Variants in HMCN2 observed in about 807,000 individuals in gnomAD.
HMCN2 encodes the protein hemicentin 2.
A neutral mutation model predicts 377.5 loss-of-function variants in HMCN2; 325 were observed. The observed-to-expected ratio is 0.86, with a 90% confidence interval of 0.79 to 0.94. HMCN2 has a LOEUF of 0.94. Among genes scored for constraint, HMCN2 ranks in the 40% least tolerant of loss-of-function variants. The pLI is 0.00. For synonymous variants in HMCN2, 2,007 were observed against 2,046.8 expected (o/e 0.98, Z 0.53); for missense variants, 4,543 against 4,725.3 (o/e 0.96, Z 1.13).
intron 23 of HMCN2, among the ~76,000 whole-genome samples, chr9:130,338,915 G>A (rs1338171659): frequency 6.6e-6 from 1 of 152,214 alleles, no homozygotes; most frequent in African/African-American, 2.4e-5. Flanking sequence ...TTGGCCAGAC[G>A]TAGTGGCTCA....
rs1481050424 is a variant in HMCN2 at position 130,353,207 on chromosome 9, T to G, written c.4864+2T>G. On this transcript the variant is annotated splice_donor_variant, in intron 31 of 97. Transcript: ENST00000683500. LOFTEE classifies it high-confidence loss of function. ...AGGCCACCAGGCTGGATGTTTATGG[T>G]GAGCAGCCAGGGGCCACGGCAGCCG... is the stretch of plus-strand genomic sequence containing the variant. 1 of 1,302,646 alleles carries G rather than the reference T, an allele frequency of 7.7e-7. No homozygotes were observed. The highest frequency in any genetic ancestry group is 1.0e-6 in the Non-Finnish European group (1 of 988,474). The allele number at this position is 1,302,646 out of a possible 1,614,324, so 80.7% of individuals were successfully genotyped here.
chr9:130,271,714 C>T (rs1383282927), intron 1 of HMCN2, among the ~76,000 whole-genome samples: 1 of 148,952 alleles, frequency 6.7e-6, no homozygotes, highest in African/African-American at 2.4e-5. Flanking sequence ...AGCCCTGCTT[C>T]CTGTGATTGG....
chr9:130,280,652 A>G (rs1265259909), intron 1 of HMCN2, among the ~76,000 whole-genome samples: 2 of 152,216 alleles, frequency 1.3e-5, no homozygotes, highest in African/African-American at 4.8e-5. Context: ...TGTTCAGTGA[A>G]AAGAATCAGG....
intron 23 of HMCN2, among the ~76,000 whole-genome samples, chr9:130,339,784 G>C (rs964040343): frequency 3.9e-5 from 6 of 152,222 alleles, no homozygotes; most frequent in African/African-American, 1.4e-4. Context: ...CTAAGGGGTT[G>C]GTCTCCACCC....
chr9:130,402,243 G>T (rs1025041791), intron 77 of HMCN2, among the ~76,000 whole-genome samples: 6 of 152,222 alleles, frequency 3.9e-5, no homozygotes, highest in African/African-American at 1.4e-4. Context: ...CACCCAGCAG[G>T]CCCCCAGGGG....
chr9:130,348,422 C>A (rs768718059), intron 26 of HMCN2, 123 bp from the exon 27 acceptor site: 64 of 1,216,052 alleles, frequency 5.3e-5, no homozygotes, highest in Non-Finnish European at 6.6e-5. Context: ...GCTGGGCGGA[C>A]GGGGACAGGC....
intron 1 of HMCN2, among the ~76,000 whole-genome samples, chr9:130,283,454 G>A (rs1293819733): frequency 8.4e-6 from 1 of 118,470 alleles, no homozygotes; most frequent in Non-Finnish European, 1.6e-5. Flanking sequence ...ATTTGTTCTA[G>A]TGCTTTGCTT....
At chr9:130,405,854 C>G in intron 81 of HMCN2, 101 bp from the exon 82 acceptor site, 1 of 909,478 alleles carries the variant, frequency 1.1e-6, no homozygotes, top group Non-Finnish European at 1.5e-6. Context: ...CACTTCCCCT[C>G]TCTGGGCTGG....
rs145263983 is a variant in HMCN2, at chr9:130,301,731, C to T, written c.1277-1126C>T. ...GCCTGGGCTCCGAGGAGGTCTAGTG[C>T]ATTGTCTCATTCCCGGAGCATCTCT... On this transcript the variant is annotated intron_variant, in intron 8 of 97. Transcript: ENST00000683500. Among the ~76,000 whole-genome samples, 18 of 152,382 alleles carry T rather than the reference C, an allele frequency of 1.2e-4. 1 individual carries two copies. Among genetic ancestry groups the T allele is most frequent in the African/African-American group, 4.3e-4 (18 of 41,596 alleles).
intron 4 of HMCN2, among the ~76,000 whole-genome samples, 171 bp from the exon 5 acceptor site, chr9:130,294,684 G>A (rs1021569015): frequency 2.6e-5 from 4 of 152,198 alleles, no homozygotes; most frequent in Non-Finnish European, 5.9e-5. Context: ...TCACAGCTTG[G>A]AGCCTATGGA....
intron 1 of HMCN2, among the ~76,000 whole-genome samples, chr9:130,282,141 A>G (rs1333213257): frequency 1.3e-5 from 2 of 152,220 alleles, no homozygotes; most frequent in Non-Finnish European, 2.9e-5. Context: ...ATATTGAAGC[A>G]ACACTGTCTT....
intron 1 of HMCN2, among the ~76,000 whole-genome samples, chr9:130,269,860 G>A (rs1397750667): frequency 6.8e-6 from 1 of 147,888 alleles, no homozygotes; most frequent in African/African-American, 2.4e-5. Context: ...GCCCAGGCTG[G>A]AGTGCAGTGG....
At chr9:130,307,049 C>T (rs1836908380) in intron 13 of HMCN2, 111 bp downstream of exon 13, 1 of 371,580 alleles carries the variant, frequency 2.7e-6, no homozygotes, top group Non-Finnish European at 5.6e-6. Context: ...GCACCGGGGA[C>T]ACGGCAGTGA....
intron 47 of HMCN2, among the ~76,000 whole-genome samples, chr9:130,372,713 G>A (rs968294921): frequency 1.3e-5 from 2 of 152,224 alleles, no homozygotes; most frequent in African/African-American, 4.8e-5. Flanking sequence ...TCCAGCCCAG[G>A]TGACAAGAAA....
intron 54 of HMCN2, among the ~76,000 whole-genome samples, chr9:130,380,637 A>G (rs1486952877): frequency 1.3e-5 from 2 of 151,912 alleles, no homozygotes; most frequent in African/African-American, 4.8e-5. Context: ...ATATTTTAAA[A>G]CTAGCTGGGC....
rs1039317191 is a variant in HMCN2, at chr9:130,433,618, C to T, written c.15165C>T (p.Leu5055=). 1 of 1,520,732 alleles carries T rather than the reference C, an allele frequency of 6.6e-7. No homozygotes were observed. The highest frequency in any genetic ancestry group is 2.1e-5 in the Admixed American group (1 of 47,086). The allele number at this position is 1,520,732 out of a possible 1,614,324, so 94.2% of individuals were successfully genotyped here. ...TCACCCGCGCCGGCCTCTACCGGCT[C>T]ACCGTGCGTGCTGCGGCACCGCGCC... The part of the protein sequence containing the change: ...RALTRAGLYR[L]TVRAAAPRHQ... Residue 5055 remains leucine (L), a synonymous_variant, in exon 98 of 98, where the codon CTC becomes CTT. Transcript: ENST00000683500.
chr9:130,349,888 CTTTTT>C (rs760662723), intron 29 of HMCN2, among the ~76,000 whole-genome samples: 1 of 91,306 alleles, frequency 1.1e-5, no homozygotes. Context: ...TTAGCCTTTC[CTTTTT>C]TTTTTTTTTT....
chr9:130,432,685 G>C, intron 97 of HMCN2, 130 bp downstream of exon 97: 1 of 1,011,852 alleles, frequency 9.9e-7, no homozygotes, highest in Non-Finnish European at 1.4e-6. Context: ...CGGAGCCCTG[G>C]GGGCAGGGAG....
In HMCN2 at chr9:130,303,066, G is replaced by A. The variant is rs1184576331; in HGVS notation, c.1421+65G>A. 2.5e-6 allele frequency: 1 copy of A among 395,320 alleles called. No homozygotes were observed. The highest frequency in any genetic ancestry group is 7.5e-5 in the East Asian group (1 of 13,330). The allele number at this position is 395,320 out of a possible 1,614,324, so 24.5% of individuals were successfully genotyped here. A position where few individuals can be genotyped will look rare whatever the true frequency, so the allele number is the denominator to read the frequency against. The stretch of plus-strand genomic sequence containing the variant: ...GCTCCTGGCTGCTGAGGCCCTGGAG[G>A]GATCTCAGGGGAGTGGGTGGCAGGA... On this transcript the variant is annotated intron_variant, in intron 9 of 97. Coordinates refer to ENST00000683500, the MANE Select transcript of HMCN2 (RefSeq NM_001291815.2). The surrounding 1 kb of genome is among the most constrained non-coding windows in gnomAD (Gnocchi z 5.2).
Sources: allele counts gnomAD v4.1 joint callset (sites outside exome capture counted in the v4.1 genomes callset), GRCh38; gene constraint gnomAD v4.1.1; non-coding constraint Gnocchi (gnomAD v3.1); transcripts MANE v1.5; gene names NCBI Gene and HGNC (gene_info 2026-07-23, HGNC 2026-07-21).